CCDC91: variants seen among roughly 807,000 people sequenced by gnomAD.
CCDC91 encodes coiled-coil domain containing 91.
A neutral mutation model predicts 63.2 loss-of-function variants in CCDC91; 48 were observed. That is an observed-to-expected ratio of 0.76 (90% CI 0.60 to 0.97). CCDC91 has a LOEUF of 0.97. Among genes scored for constraint, CCDC91 ranks in the 50% least tolerant of loss-of-function variants. The pLI is 0.00. For missense variants in CCDC91, 500 were observed against 494.6 expected, an observed-to-expected ratio of 1.01 and a Z score of -0.10; for synonymous variants, 167 against 165.8, an observed-to-expected ratio of 1.01 and a Z score of -0.06.
intron 8 of CCDC91, among the ~76,000 whole-genome samples, chr12:28,444,725 G>A (rs767664425): frequency 3.3e-5 from 5 of 152,080 alleles, no homozygotes; most frequent in African/African-American, 7.2e-5. Context: ...GATAACTCTC[G>A]GGTACTGGGC....
intron 8 of CCDC91, among the ~76,000 whole-genome samples, chr12:28,432,801 C>G (rs1358335778): frequency 2.6e-5 from 4 of 152,084 alleles, no homozygotes; most frequent in Non-Finnish European, 4.4e-5. Flanking sequence ...CTGTTAAACT[C>G]TCTTCCAAAG....
At chr12:28,434,464 A>C (rs1253811888) in intron 8 of CCDC91, among the ~76,000 whole-genome samples, 1 of 151,544 alleles carries the variant, frequency 6.6e-6, no homozygotes, top group Non-Finnish European at 1.5e-5. Flanking sequence ...AGAAAAACCC[A>C]GTTCATTGTG....
chr12:28,384,893 G>C (rs1449480831), intron 7 of CCDC91, among the ~76,000 whole-genome samples: 4 of 151,936 alleles, frequency 2.6e-5, no homozygotes, highest in African/African-American at 4.8e-5. Context: ...ATTCAAGTAG[G>C]CTCTCTTTTT....
intron 8 of CCDC91, among the ~76,000 whole-genome samples, chr12:28,427,761 GT>G (rs1246805414): frequency 6.6e-5 from 10 of 152,050 alleles, no homozygotes; most frequent in Middle Eastern, 3.2e-3. Flanking sequence ...AGTTTGTTCC[GT>G]TTTTTTCTTG....
At chr12:28,343,617 T>C (rs886784615) in intron 6 of CCDC91, among the ~76,000 whole-genome samples, 47 of 152,302 alleles carry the variant, frequency 3.1e-4, no homozygotes, top group African/African-American at 1.0e-3. Flanking sequence ...TCATTATTTA[T>C]AAAATATGGA....
intron 1 of CCDC91, among the ~76,000 whole-genome samples, chr12:28,234,399 T>A (rs1944795016): frequency 6.6e-6 from 1 of 152,158 alleles, no homozygotes. Flanking sequence ...CTTGACAGAA[T>A]TTTTTTAAAA....
At chr12:28,319,709 AAG>A (rs1468869020) in intron 6 of CCDC91, among the ~76,000 whole-genome samples, 2 of 151,688 alleles carry the variant, frequency 1.3e-5, no homozygotes, top group Non-Finnish European at 2.9e-5. Flanking sequence ...ATATAATAAT[AAG>A]AGAAAAAGTC....
chr12:28,424,042 C>T (rs1371989654), intron 8 of CCDC91, among the ~76,000 whole-genome samples: 2 of 152,112 alleles, frequency 1.3e-5, no homozygotes, highest in African/African-American at 4.8e-5. Context: ...ACTCTCCCAC[C>T]TCAGCCTTCC....
chr12:28,201,396 C>CGGGGCAGA (rs1942364992), intron 1 of CCDC91, among the ~76,000 whole-genome samples: 1 of 137,272 alleles, frequency 7.3e-6, no homozygotes, highest in Non-Finnish European at 1.7e-5. Flanking sequence ...GGCGGGGCAG[C>CGGGGCAGA]GGGGCAGAGG....
At chr12:28,515,507 A>G (rs1276505934) in intron 12 of CCDC91, among the ~76,000 whole-genome samples, 1 of 151,862 alleles carries the variant, frequency 6.6e-6, no homozygotes, top group African/African-American at 2.4e-5. Context: ...CTTTAATTCA[A>G]TGTAGACTAT....
intron 12 of CCDC91, among the ~76,000 whole-genome samples, chr12:28,496,155 C>G (rs1356097118): frequency 6.6e-6 from 1 of 151,586 alleles, no homozygotes; most frequent in Non-Finnish European, 1.5e-5. Context: ...TGCTAGAGGG[C>G]TGGAAAACCA....
At chr12:28,412,027 T>C (rs1947350084) in intron 8 of CCDC91, among the ~76,000 whole-genome samples, 1 of 152,164 alleles carries the variant, frequency 6.6e-6, no homozygotes, top group Admixed American at 6.5e-5. Context: ...ATGGCAAATA[T>C]GTTTAGATGC....
chr12:28,378,716 A>G (rs1413618519), intron 7 of CCDC91, among the ~76,000 whole-genome samples: 2 of 152,048 alleles, frequency 1.3e-5, no homozygotes, highest in African/African-American at 4.8e-5. Context: ...TTATCATATG[A>G]TCAGATTTTT....
intron 8 of CCDC91, among the ~76,000 whole-genome samples, chr12:28,420,657 G>T (rs1483069004): frequency 6.6e-6 from 1 of 151,764 alleles, no homozygotes. Flanking sequence ...CGTTGTTATT[G>T]TATTTCCCAC....
intron 7 of CCDC91, among the ~76,000 whole-genome samples, chr12:28,378,667 G>C (rs1350693887): frequency 6.6e-6 from 1 of 152,038 alleles, no homozygotes; most frequent in Non-Finnish European, 1.5e-5. Flanking sequence ...TATAGTTTCA[G>C]TTATTTGATT....
chr12:28,274,241 T>A (rs1331153299), intron 3 of CCDC91, among the ~76,000 whole-genome samples: 2 of 152,192 alleles, frequency 1.3e-5, no homozygotes, highest in African/African-American at 2.4e-5. Flanking sequence ...TTGGTTACTG[T>A]AGCCTTGGAG....
chr12:28,417,238 C>T (rs11049583), intron 8 of CCDC91, among the ~76,000 whole-genome samples: 33,091 of 151,768 alleles, frequency 0.22, 4,343 homozygotes, highest in Non-Finnish European at 0.31. Flanking sequence ...TGTTGGCTTT[C>T]ATTTATTTTT....
chr12:28,419,726 T>C (rs565268119), intron 8 of CCDC91, among the ~76,000 whole-genome samples: 100 of 151,274 alleles, frequency 6.6e-4, no homozygotes, highest in Non-Finnish European at 1.2e-3. Flanking sequence ...AGTTGGTCTC[T>C]TTCATGTGCT....
At chr12:28,332,872 A>G (rs1202902756) in intron 6 of CCDC91, among the ~76,000 whole-genome samples, 1 of 151,896 alleles carries the variant, frequency 6.6e-6, no homozygotes, top group Non-Finnish European at 1.5e-5. Flanking sequence ...TTCGTAAGGC[A>G]TGTCATAGCC....
Sources: allele counts gnomAD v4.1 joint callset (sites outside exome capture counted in the v4.1 genomes callset), GRCh38; gene constraint gnomAD v4.1.1; transcripts MANE v1.5; gene names NCBI Gene and HGNC (gene_info 2026-07-23, HGNC 2026-07-21).